ALPL: variants seen among roughly 807,000 people sequenced by gnomAD.
ALPL encodes the protein alkaline phosphatase, tissue-nonspecific isozyme.
In ALPL, 42 loss-of-function variants were observed where a neutral mutation model predicts 51.3. The ratio of observed to expected loss-of-function variants is 0.82; its 90% CI spans 0.64 to 1.06. The LOEUF (loss-of-function observed/expected upper bound fraction) is 1.06. ALPL is among the 50% of genes least tolerant of loss of function. The pLI is 0.00. For synonymous variants in ALPL, 279 were observed against 296.4 expected, an observed-to-expected ratio of 0.94 and a Z score of 0.60; for missense variants, 589 against 709.4, an observed-to-expected ratio of 0.83 and a Z score of 1.93.
At chr1:21,549,704 C>T (rs559801012) in intron 1 of ALPL, among the ~76,000 whole-genome samples, 1 of 152,190 alleles carries the variant, frequency 6.6e-6, no homozygotes, top group African/African-American at 2.4e-5. Context: ...CTTAAGGGAT[C>T]CACCCGCCTC....
rs530019884 is a variant in ALPL at position 21,540,186 on chromosome 1, G to A, written c.-104-13792G>A. 9.9e-5 allele frequency among the ~76,000 whole-genome samples: 15 copies of A among 152,250 alleles called. No homozygotes were observed. In the South Asian group the frequency reaches 3.1e-3, roughly 32 times the overall value. On this transcript the variant is annotated intron_variant, in intron 1 of 11. Coordinates refer to ENST00000374840, the MANE Select transcript of ALPL (RefSeq NM_000478.6). The stretch of plus-strand genomic sequence containing the variant: ...CAGAACATGTCCTTTCCATGGCATG[G>A]CAGAAGGCTGTGTGCCTGCAAAGCA...
chr1:21,546,623 G>T (rs1006998293), intron 1 of ALPL, among the ~76,000 whole-genome samples: 1 of 152,234 alleles, frequency 6.6e-6, no homozygotes, highest in African/African-American at 2.4e-5. Flanking sequence ...GCTGCCTCCT[G>T]GGTGACTGCT....
At chr1:21,554,270 A>G (rs1046322902) in intron 2 of ALPL, 128 bp downstream of exon 2, 4 of 921,276 alleles carry the variant, frequency 4.3e-6, no homozygotes, top group African/African-American at 3.3e-5. Flanking sequence ...TGTTCAGAGC[A>G]GGAAACCTCA....
chr1:21,518,246 G>A (rs1345977160), intron 1 of ALPL, among the ~76,000 whole-genome samples: 1 of 152,030 alleles, frequency 6.6e-6, no homozygotes, highest in Admixed American at 6.5e-5. Context: ...CTCCTGGAAA[G>A]AGTTAGGCCT....
rs755529290 is a variant in ALPL at position 21,573,693 on chromosome 1, C to T, written c.891C>T (p.Tyr297=). ...LGLFEPGDMQ[Y]ELNRNNVTDP... is the part of the protein sequence containing the mutation. ...TCTTCGAGCCAGGGGACATGCAGTACGAGCTGAACAGGAACAACGTGACGG... is the reference window on the plus strand; with the variant it reads ...TCTTCGAGCCAGGGGACATGCAGTATGAGCTGAACAGGAACAACGTGACGG... The change falls in exon 9 of 12, where the codon TAC becomes TAT. Residue 297 remains tyrosine, a synonymous_variant. Transcript: ENST00000374840. 5.6e-6 allele frequency: 9 copies of T among 1,613,862 alleles called. No individual in the cohort carries two copies. The highest frequency in any genetic ancestry group is 4.5e-5 in the East Asian group (2 of 44,874).
intron 1 of ALPL, among the ~76,000 whole-genome samples, chr1:21,550,410 G>A (rs1309542414): frequency 6.6e-6 from 1 of 152,178 alleles, no homozygotes; most frequent in Non-Finnish European, 1.5e-5. Context: ...AAAAGGAGAT[G>A]ATAGGTCCTT....
At chr1:21,517,277 G>A (rs752824649) in intron 1 of ALPL, among the ~76,000 whole-genome samples, 1 of 152,208 alleles carries the variant, frequency 6.6e-6, no homozygotes, top group Non-Finnish European at 1.5e-5. Flanking sequence ...TGACCTTATT[G>A]TATTGAGCTC....
At chr1:21,566,927 TCA>T (rs967195625) in intron 6 of ALPL, among the ~76,000 whole-genome samples, 1 of 152,170 alleles carries the variant, frequency 6.6e-6, no homozygotes, top group African/African-American at 2.4e-5. Context: ...AAAACTGGGC[TCA>T]CAGAGTTTAG....
At chr1:21,565,986 C>T (rs12025623) in intron 6 of ALPL, among the ~76,000 whole-genome samples, 50,580 of 151,880 alleles carry the variant, frequency 0.33, 8,732 homozygotes, top group South Asian at 0.45. Context: ...TTGGGGGCTT[C>T]GTTTTCCACT....
In ALPL at chr1:21,564,488, C is replaced by T. The variant is rs1644535909; in HGVS notation, c.648+272C>T. Among the ~76,000 whole-genome samples, 1 of 152,206 alleles carries T rather than the reference C, an allele frequency of 6.6e-6. No homozygotes were observed. Among genetic ancestry groups the T allele is most frequent in the Non-Finnish European group, 1.5e-5 (1 of 68,036 alleles). On this transcript the variant is annotated intron_variant, in intron 6 of 11. Coordinates refer to ENST00000374840, the MANE Select transcript of ALPL (RefSeq NM_000478.6). This position sits in a 1 kb window ranked among gnomAD's most constrained non-coding sequence, Gnocchi z 5.8. ...TGATTCCATAAATTGAAACCTGGTG[C>T]TGTGCCCTCCTCTGCCCCCCACTAC...
intron 1 of ALPL, among the ~76,000 whole-genome samples, chr1:21,538,548 C>G (rs1644140477): frequency 6.6e-6 from 1 of 152,178 alleles, no homozygotes; most frequent in African/African-American, 2.4e-5. Context: ...TTCATTGTCC[C>G]TTTTCCCACA....
intron 7 of ALPL, 127 bp from the exon 8 acceptor site, chr1:21,570,178 C>T: frequency 1.1e-6 from 1 of 890,008 alleles, no homozygotes. Flanking sequence ...GATGGTGGGT[C>T]CTCAGGGAGA....
rs780762265 is a variant in ALPL, at chr1:21,576,595, C to T, written c.1263C>T (p.Tyr421=). The T allele has an allele frequency of 5.0e-6, 8 of 1,613,938 alleles. No individual in the cohort carries two copies. The highest frequency in any genetic ancestry group is 6.8e-6 in the Non-Finnish European group (8 of 1,179,952). Residue 421 remains tyrosine (Y), a synonymous_variant, in exon 11 of 12, where the codon TAC becomes TAT. Transcript: ENST00000374840. ...TAILYGNGPG[Y]KVVGGERENV... is the part of the protein sequence containing the mutation. ...TCCTGTATGGCAATGGGCCTGGCTACAAGGTGGTGGGCGGTGAACGAGAGA... is the reference window on the plus strand; with the variant it reads ...TCCTGTATGGCAATGGGCCTGGCTATAAGGTGGTGGGCGGTGAACGAGAGA...
intron 8 of ALPL, among the ~76,000 whole-genome samples, chr1:21,573,140 G>A (rs1644673064): frequency 6.6e-6 from 1 of 152,208 alleles, no homozygotes; most frequent in Non-Finnish European, 1.5e-5. Flanking sequence ...GAATGAAAAT[G>A]AAAGGAATTG....
At chr1:21,530,101 A>G (rs2148086253) in intron 1 of ALPL, among the ~76,000 whole-genome samples, 1 of 152,172 alleles carries the variant, frequency 6.6e-6, no homozygotes, top group Non-Finnish European at 1.5e-5. Flanking sequence ...TTTAGAATTC[A>G]TTGTGCTATG....
At chr1:21,574,474 T>G (rs534667896) in intron 9 of ALPL, 1 of 155,790 alleles carries the variant, frequency 6.4e-6, no homozygotes, top group South Asian at 2.0e-4. Context: ...AACCTTCCAG[T>G]GCTAACAGCC....
intron 1 of ALPL, among the ~76,000 whole-genome samples, chr1:21,517,520 G>C (rs968708121): frequency 2.6e-5 from 4 of 152,116 alleles, no homozygotes; most frequent in African/African-American, 9.7e-5. Flanking sequence ...AGGGGGAGGA[G>C]ACAGAACATA....
chr1:21,519,013 A>G (rs957117953), intron 1 of ALPL, among the ~76,000 whole-genome samples: 1 of 152,182 alleles, frequency 6.6e-6, no homozygotes, highest in African/African-American at 2.4e-5. Context: ...TTTCCTGCAC[A>G]AGTCTTTTTC....
intron 6 of ALPL, among the ~76,000 whole-genome samples, chr1:21,566,625 T>G (rs1421289299): frequency 6.6e-6 from 1 of 151,488 alleles, no homozygotes; most frequent in Non-Finnish European, 1.5e-5. Context: ...GGTCTCACTC[T>G]GTTGCCCAGG....
Sources: allele counts gnomAD v4.1 joint callset (sites outside exome capture counted in the v4.1 genomes callset), GRCh38; gene constraint gnomAD v4.1.1; non-coding constraint Gnocchi (gnomAD v3.1); transcripts MANE v1.5; gene names NCBI Gene and HGNC (gene_info 2026-07-23, HGNC 2026-07-21).